The following FBXL5 variants were observed in gnomAD, a reference collection of about 807,000 sequenced individuals.
FBXL5 encodes the protein F-box/LRR-repeat protein 5.
Under a neutral mutation model 78.3 loss-of-function variants are expected in FBXL5, and 26 were observed. The observed-to-expected ratio is 0.33, with a 90% CI of 0.24 to 0.46. The LOEUF (loss-of-function observed/expected upper bound fraction) is 0.46, where lower values mean the gene tolerates loss of function less well. FBXL5 is among the 20% of genes least tolerant of loss of function. The pLI, the probability that FBXL5 is intolerant of heterozygous loss-of-function variation, is 1.00. For missense variants in FBXL5, 710 were observed against 829.2 expected, an observed-to-expected ratio of 0.86 and a Z score of 1.77; for synonymous variants, 295 against 282.5, an observed-to-expected ratio of 1.04 and a Z score of -0.45.
chr4:15,646,880 A>G (rs956680203), intron 1 of FBXL5, among the ~76,000 whole-genome samples: 9 of 152,014 alleles, frequency 5.9e-5, no homozygotes, highest in Admixed American at 1.3e-4. Context: ...CAAAAAGTAA[A>G]CACAGTCAGC....
intron 5 of FBXL5, 139 bp from the exon 6 acceptor site, chr4:15,630,930 TA>T: frequency 9.5e-7 from 1 of 1,054,882 alleles, no homozygotes. Context: ...TGTTTTTTTT[TA>T]ATACTTTTAA....
intron 3 of FBXL5, among the ~76,000 whole-genome samples, chr4:15,639,207 T>A (rs1008564867): frequency 2.0e-5 from 3 of 152,162 alleles, no homozygotes; most frequent in African/African-American, 7.2e-5. Flanking sequence ...TGTTATGGTT[T>A]CTCCAGCTAG....
At chr4:15,606,969 A>G (rs1321126927) in intron 10 of FBXL5, among the ~76,000 whole-genome samples, 3 of 152,238 alleles carry the variant, frequency 2.0e-5, no homozygotes, top group Non-Finnish European at 4.4e-5. Context: ...CACATAGAAC[A>G]CATTAATTTC....
chr4:15,638,036 T>C (rs1034869297), intron 4 of FBXL5, among the ~76,000 whole-genome samples: 9 of 151,212 alleles, frequency 6.0e-5, no homozygotes, highest in African/African-American at 2.2e-4. Context: ...AAATAATACA[T>C]AGGAAAGGAT....
At chr4:15,615,388 G>A (rs1305832856) in intron 9 of FBXL5, among the ~76,000 whole-genome samples, 2 of 151,900 alleles carry the variant, frequency 1.3e-5, no homozygotes, top group Non-Finnish European at 2.9e-5. Flanking sequence ...TGAGTCTGGT[G>A]GGGACGTGGA....
chr4:15,620,945 A>C (rs1384007157), intron 9 of FBXL5, among the ~76,000 whole-genome samples: 1 of 152,218 alleles, frequency 6.6e-6, no homozygotes, highest in Non-Finnish European at 1.5e-5. Flanking sequence ...CTTTTAGTTA[A>C]TCTAGTATCT....
intron 1 of FBXL5, among the ~76,000 whole-genome samples, chr4:15,651,376 C>T (rs1248710430): frequency 6.6e-6 from 1 of 152,190 alleles, no homozygotes. Flanking sequence ...AGTTACTTAA[C>T]CACTAAGACT....
intron 9 of FBXL5, among the ~76,000 whole-genome samples, chr4:15,614,250 T>C (rs551432071): frequency 6.6e-6 from 1 of 152,328 alleles, no homozygotes; most frequent in African/African-American, 2.4e-5. Flanking sequence ...TCCAGGCTGG[T>C]ACTGGGCAAT....
At chr4:15,667,479 T>C (rs767501287) in intron 1 of FBXL5, among the ~76,000 whole-genome samples, 7 of 152,088 alleles carry the variant, frequency 4.6e-5, no homozygotes, top group Admixed American at 1.3e-4. Flanking sequence ...CTGAATCAAA[T>C]GGAATAGTAT....
intron 10 of FBXL5, among the ~76,000 whole-genome samples, chr4:15,609,925 T>C (rs1246864043): frequency 6.6e-6 from 1 of 152,108 alleles, no homozygotes; most frequent in Non-Finnish European, 1.5e-5. Context: ...TAATGACTAA[T>C]GTTTATCAGT....
intron 1 of FBXL5, among the ~76,000 whole-genome samples, chr4:15,674,502 T>A (rs566777752): frequency 3.9e-4 from 59 of 152,296 alleles, no homozygotes; most frequent in African/African-American, 1.3e-3. Context: ...CCATTTTACG[T>A]TTATATATTA....
chr4:15,615,332 A>G (rs990562758), intron 9 of FBXL5, among the ~76,000 whole-genome samples: 2 of 151,998 alleles, frequency 1.3e-5, no homozygotes, highest in African/African-American at 4.8e-5. Context: ...GCAGCTCCAC[A>G]TGCAACCCCG....
chr4:15,671,329 C>T (rs543698196), intron 1 of FBXL5, among the ~76,000 whole-genome samples: 1 of 152,156 alleles, frequency 6.6e-6, no homozygotes, highest in Non-Finnish European at 1.5e-5. Context: ...TAACTTCTTA[C>T]CTTTGTAACT....
chr4:15,634,702 G>C (rs1428513396), intron 5 of FBXL5, among the ~76,000 whole-genome samples: 2 of 151,480 alleles, frequency 1.3e-5, no homozygotes, highest in Non-Finnish European at 2.9e-5. Context: ...TGAGGTCTCT[G>C]TATGTTGCCC....
At chr4:15,647,734 G>A (rs1715519376) in intron 1 of FBXL5, among the ~76,000 whole-genome samples, 1 of 152,160 alleles carries the variant, frequency 6.6e-6, no homozygotes, top group Non-Finnish European at 1.5e-5. Context: ...TAAAAGCACT[G>A]ACTCTAGGGC....
chr4:15,613,122 T>C (rs1460733702), intron 9 of FBXL5, among the ~76,000 whole-genome samples: 1 of 152,210 alleles, frequency 6.6e-6, no homozygotes, highest in African/African-American at 2.4e-5. Flanking sequence ...ATTCCATTAA[T>C]ATTATCATTC....
At position 15,666,124 on chromosome 4, in the gene FBXL5, C is replaced by A. The variant is rs183769906; in HGVS notation, c.-283-6202G>T. Among the ~76,000 whole-genome samples the A allele has an allele frequency of 2.2e-3, 341 of 152,182 alleles. 1 individual carries two copies. Among genetic ancestry groups the A allele is most frequent in the African/African-American group, 7.6e-3 (316 of 41,508 alleles). ...TAAAAATATGAATTTTGGGACTGGG[C>A]ACGGTGGTTCACACCTGTACTCCAA... On this transcript the variant is annotated intron_variant, in intron 1 of 4. Coordinates refer to the FBXL5 transcript ENST00000507899.
chr4:15,609,307 G>A (rs1722085705), intron 10 of FBXL5, among the ~76,000 whole-genome samples: 1 of 152,058 alleles, frequency 6.6e-6, no homozygotes. Flanking sequence ...TAAATGCGTG[G>A]TAAAGAATAA....
At chr4:15,613,912 T>C (rs1711525344) in intron 9 of FBXL5, among the ~76,000 whole-genome samples, 1 of 152,234 alleles carries the variant, frequency 6.6e-6, no homozygotes, top group African/African-American at 2.4e-5. Flanking sequence ...AGCTTAGTAA[T>C]TGACCTTCTG....
Sources: gnomAD v4.1 joint callset for allele counts (sites outside exome capture counted in the v4.1 genomes callset) on GRCh38, gnomAD v4.1.1 for gene constraint, MANE v1.5 for transcripts, NCBI Gene and HGNC (gene_info 2026-07-23, HGNC 2026-07-21) for gene names.